Variants in CNTNAP2 observed in about 807,000 individuals in gnomAD.
CNTNAP2 encodes the protein contactin-associated protein-like 2.
CNTNAP2 carries 98 observed loss-of-function variants against 155.2 expected under a neutral mutation model. That is an observed-to-expected ratio of 0.63 (90% CI 0.54 to 0.75). The LOEUF (loss-of-function observed/expected upper bound fraction) is 0.75. Among genes scored for constraint, CNTNAP2 ranks in the 30% least tolerant of loss-of-function variants. The probability of loss-of-function intolerance (pLI) is 0.00; values close to 1 mark genes in which losing one functional copy is unlikely to be tolerated. For missense variants in CNTNAP2, 1,727 were observed against 1,688.1 expected, an observed-to-expected ratio of 1.02 and a Z score of -0.40; for synonymous variants, 651 against 631.2, an observed-to-expected ratio of 1.03 and a Z score of -0.47.
At chr7:146,984,008 C>T (rs1259052922) in intron 3 of CNTNAP2, among the ~76,000 whole-genome samples, 1 of 152,140 alleles carries the variant, frequency 6.6e-6, no homozygotes, top group Non-Finnish European at 1.5e-5. Context: ...TGCAGGTTGG[C>T]TCTTGCTTTC....
At chr7:148,395,343 A>G (rs1399618019) in intron 22 of CNTNAP2, among the ~76,000 whole-genome samples, 2 of 151,724 alleles carry the variant, frequency 1.3e-5, no homozygotes, top group African/African-American at 4.8e-5. Flanking sequence ...ATGTGAACCG[A>G]AGTCAACAAA....
intron 13 of CNTNAP2, among the ~76,000 whole-genome samples, chr7:147,856,258 C>T (rs1339950052): frequency 6.6e-6 from 1 of 152,086 alleles, no homozygotes; most frequent in African/African-American, 2.4e-5. Flanking sequence ...AAATAAGGCC[C>T]AGAGCCCAGG....
At chr7:146,980,423 G>T (rs1797992963) in intron 3 of CNTNAP2, among the ~76,000 whole-genome samples, 1 of 152,176 alleles carries the variant, frequency 6.6e-6, no homozygotes, top group Non-Finnish European at 1.5e-5. Flanking sequence ...AACAGTCCAG[G>T]TAATCTTGGT....
chr7:147,434,060 G>A (rs1797508298), intron 10 of CNTNAP2, among the ~76,000 whole-genome samples: 1 of 152,120 alleles, frequency 6.6e-6, no homozygotes, highest in Non-Finnish European at 1.5e-5. Flanking sequence ...GAGCTTTGTT[G>A]AGGCTTACTG....
chr7:146,446,991 T>C (rs1526147), intron 1 of CNTNAP2, among the ~76,000 whole-genome samples: 44,839 of 151,836 alleles, frequency 0.3, 6,777 homozygotes, highest in Admixed American at 0.42. Context: ...CCTAGCAATA[T>C]TTTTATTTTA....
intron 10 of CNTNAP2, among the ~76,000 whole-genome samples, chr7:147,427,314 A>G (rs1384337123): frequency 6.6e-6 from 1 of 152,118 alleles, no homozygotes; most frequent in Non-Finnish European, 1.5e-5. Context: ...AGAAGCCACC[A>G]TCATTCAAAC....
intron 3 of CNTNAP2, among the ~76,000 whole-genome samples, chr7:147,005,270 A>G (rs1798504995): frequency 6.6e-6 from 1 of 152,052 alleles, no homozygotes; most frequent in Non-Finnish European, 1.5e-5. Context: ...AATCGGTAAC[A>G]TTGTTGTCTC....
chr7:147,344,030 T>C (rs1414075227), intron 9 of CNTNAP2, among the ~76,000 whole-genome samples: 2 of 152,216 alleles, frequency 1.3e-5, no homozygotes, highest in African/African-American at 4.8e-5. Context: ...CTGGTGTTCA[T>C]ATTTTGTAGA....
At chr7:147,341,851 G>A (rs1438378402) in intron 9 of CNTNAP2, among the ~76,000 whole-genome samples, 1 of 151,584 alleles carries the variant, frequency 6.6e-6, no homozygotes, top group Non-Finnish European at 1.5e-5. Flanking sequence ...CATCTTAAAA[G>A]TTGACTTACA....
chr7:147,735,256 T>C (rs1796820977), intron 13 of CNTNAP2, among the ~76,000 whole-genome samples: 1 of 152,226 alleles, frequency 6.6e-6, no homozygotes, highest in African/African-American at 2.4e-5. Flanking sequence ...AACATCTTTA[T>C]TTCTGTCTTC....
At chr7:147,141,473 T>C (rs1801595927) in intron 8 of CNTNAP2, among the ~76,000 whole-genome samples, 1 of 152,040 alleles carries the variant, frequency 6.6e-6, no homozygotes, top group African/African-American at 2.4e-5. Context: ...AAACATAATG[T>C]ACACAACGGT....
At chr7:147,236,680 G>T (rs1366038921) in intron 8 of CNTNAP2, among the ~76,000 whole-genome samples, 1 of 151,622 alleles carries the variant, frequency 6.6e-6, no homozygotes, top group Non-Finnish European at 1.5e-5. Context: ...TCTGCTCGGA[G>T]CTGGGGGCAC....
chr7:147,083,537 CAT>C (rs67074589), intron 4 of CNTNAP2, among the ~76,000 whole-genome samples: 71,666 of 128,164 alleles, frequency 0.56, 21,024 homozygotes, highest in East Asian at 0.7. Flanking sequence ...TATATATATA[CAT>C]ATATATATAT....
chr7:148,049,084 A>G, intron 15 of CNTNAP2, among the ~76,000 whole-genome samples: 1 of 151,976 alleles, frequency 6.6e-6, no homozygotes, highest in Non-Finnish European at 1.5e-5. Context: ...GTGTAGTGGT[A>G]GGTGCCTGTA....
chr7:146,989,896 G>A (rs1161031989), intron 3 of CNTNAP2, among the ~76,000 whole-genome samples: 2 of 147,204 alleles, frequency 1.4e-5, no homozygotes, highest in Non-Finnish European at 3.0e-5. Context: ...CCAAGCACAT[G>A]TTTTGCTTTG....
intron 8 of CNTNAP2, among the ~76,000 whole-genome samples, chr7:147,142,227 T>C (rs948443809): frequency 6.6e-6 from 1 of 152,098 alleles, no homozygotes; most frequent in African/African-American, 2.4e-5. Flanking sequence ...AGACAGCTCT[T>C]ATTATTTTGA....
At position 148,416,700 on chromosome 7, in the gene CNTNAP2, G is replaced by T. The variant is rs1490515025; in HGVS notation, c.*1084G>T. The T allele has an allele frequency of 6.6e-6, 1 of 152,452 alleles. No homozygotes were observed. The highest frequency in any genetic ancestry group is 1.5e-5 in the Non-Finnish European group (1 of 67,900). The allele number at this position is 152,452 out of a possible 1,614,324, so 9.4% of individuals were successfully genotyped here. The stretch of plus-strand genomic sequence containing the variant: ...ACAATAAAGTCAAGTTATTATTGCT[G>T]TTACTCTGGATGATATGGAAAACAC... On this transcript the variant is annotated 3_prime_UTR_variant, in exon 24 of 24. Coordinates refer to ENST00000361727, the MANE Select transcript of CNTNAP2 (RefSeq NM_014141.6).
intron 10 of CNTNAP2, among the ~76,000 whole-genome samples, chr7:147,454,800 G>T (rs1417360739): frequency 6.6e-5 from 10 of 151,838 alleles, no homozygotes; most frequent in Admixed American, 5.9e-4. Flanking sequence ...ATTCCTGAAA[G>T]GTCAGGGCTC....
chr7:146,317,752 T>C (rs1035137367), intron 1 of CNTNAP2, among the ~76,000 whole-genome samples: 2 of 152,250 alleles, frequency 1.3e-5, no homozygotes, highest in African/African-American at 4.8e-5. Flanking sequence ...AAGTTCAAGC[T>C]AACATTACAC....
Sources: allele counts gnomAD v4.1 joint callset (sites outside exome capture counted in the v4.1 genomes callset), GRCh38; gene constraint gnomAD v4.1.1; transcripts MANE v1.5; gene names NCBI Gene and HGNC (gene_info 2026-07-23, HGNC 2026-07-21).